TBC1D22A: variants seen among roughly 807,000 people sequenced by gnomAD.
The protein encoded by TBC1D22A is putative GTPase activator.
In TBC1D22A, 38 loss-of-function variants were observed where a neutral mutation model predicts 60.2. The ratio of observed to expected loss-of-function variants is 0.63; its 90% CI spans 0.49 to 0.83. The LOEUF (loss-of-function observed/expected upper bound fraction) is 0.83, where lower values mean the gene tolerates loss of function less well. Among genes scored for constraint, TBC1D22A ranks in the 40% least tolerant of loss-of-function variants. The probability of loss-of-function intolerance (pLI) is 0.00; values close to 1 mark genes in which losing one functional copy is unlikely to be tolerated. For synonymous variants in TBC1D22A, 302 were observed against 281.7 expected, an observed-to-expected ratio of 1.07 and a Z score of -0.72; for missense variants, 628 against 701.0, an observed-to-expected ratio of 0.90 and a Z score of 1.18.
At chr22:47,104,694 C>CAAA (rs34812715) in intron 11 of TBC1D22A, among the ~76,000 whole-genome samples, 6 of 102,156 alleles carry the variant, frequency 5.9e-5, no homozygotes, top group African/African-American at 2.3e-4. Flanking sequence ...GACTCTGTCT[C>CAAA]AAAAAAAAAA....
At chr22:47,161,793 G>A (rs1414307778) in intron 12 of TBC1D22A, among the ~76,000 whole-genome samples, 2 of 152,260 alleles carry the variant, frequency 1.3e-5, no homozygotes, top group Non-Finnish European at 2.9e-5. Flanking sequence ...GACAGTGTGA[G>A]CTTGAGCTCT....
At chr22:46,953,766 T>G (rs553049442) in intron 8 of TBC1D22A, among the ~76,000 whole-genome samples, 35 of 152,224 alleles carry the variant, frequency 2.3e-4, no homozygotes, top group Non-Finnish European at 3.8e-4. Context: ...TTTGATAGAA[T>G]TCTGTCAAAG....
rs188903861 is a variant in TBC1D22A, at chr22:46,787,657, G to C, written c.63-4863G>C. ...ACAGTGTAAACTTTGCAAATGTGCA[G>C]AATAATACTGTATGTTGCCCAGAGA... is the stretch of plus-strand genomic sequence containing the variant. On this transcript the variant is annotated intron_variant, in intron 1 of 12. Transcript: ENST00000337137. Among the ~76,000 whole-genome samples, 135 of 152,282 alleles carry C rather than the reference G, an allele frequency of 8.9e-4. 1 individual carries two copies. In the Middle Eastern group the frequency reaches 0.014, roughly 15 times the overall value.
At chr22:46,918,259 T>A (rs1305479000) in intron 8 of TBC1D22A, among the ~76,000 whole-genome samples, 1 of 152,134 alleles carries the variant, frequency 6.6e-6, no homozygotes, top group East Asian at 1.9e-4. Flanking sequence ...TGTCCTAGGT[T>A]TGGAGAGAGG....
intron 1 of TBC1D22A, among the ~76,000 whole-genome samples, chr22:46,775,556 C>T (rs2083669022): frequency 6.6e-6 from 1 of 152,160 alleles, no homozygotes; most frequent in Admixed American, 6.5e-5. Flanking sequence ...TAGGTGATTC[C>T]TGTGCGGCCA....
intron 9 of TBC1D22A, among the ~76,000 whole-genome samples, chr22:46,996,112 C>G (rs2075114357): frequency 6.6e-6 from 1 of 152,242 alleles, no homozygotes; most frequent in Non-Finnish European, 1.5e-5. Flanking sequence ...TCATCCCCCA[C>G]TGTCGGAAAG....
chr22:46,781,360 G>A (rs1370785159), intron 1 of TBC1D22A, among the ~76,000 whole-genome samples: 1 of 152,062 alleles, frequency 6.6e-6, no homozygotes, highest in Non-Finnish European at 1.5e-5. Flanking sequence ...ATTTTTTATA[G>A]AGACGGGGTT....
At chr22:46,809,002 C>G (rs1005570647) in intron 4 of TBC1D22A, among the ~76,000 whole-genome samples, 2 of 152,178 alleles carry the variant, frequency 1.3e-5, no homozygotes, top group African/African-American at 4.8e-5. Flanking sequence ...TGCTTAAAAT[C>G]CTAATGTAGA....
intron 8 of TBC1D22A, among the ~76,000 whole-genome samples, chr22:46,925,457 T>C (rs1255966588): frequency 6.6e-6 from 1 of 152,244 alleles, no homozygotes; most frequent in South Asian, 2.1e-4. Flanking sequence ...CTCATATATA[T>C]TCATTTTTTC....
At chr22:46,985,890 C>A (rs1349720706) in intron 9 of TBC1D22A, among the ~76,000 whole-genome samples, 1 of 152,212 alleles carries the variant, frequency 6.6e-6, no homozygotes, top group Non-Finnish European at 1.5e-5. Flanking sequence ...CTTGTCACTT[C>A]ATTTCATTAA....
intron 11 of TBC1D22A, among the ~76,000 whole-genome samples, chr22:47,093,821 T>C (rs993237079): frequency 2.0e-5 from 3 of 152,210 alleles, no homozygotes; most frequent in African/African-American, 7.2e-5. Flanking sequence ...AAGGTGTTTT[T>C]TGGTTGAGGT....
At chr22:46,808,887 C>A (rs575978293) in intron 4 of TBC1D22A, among the ~76,000 whole-genome samples, 1 of 152,242 alleles carries the variant, frequency 6.6e-6, no homozygotes, top group Non-Finnish European at 1.5e-5. Flanking sequence ...AGCCACCGTG[C>A]CCGGCCTTCG....
intron 9 of TBC1D22A, among the ~76,000 whole-genome samples, chr22:46,975,590 G>T (rs907969470): frequency 1.3e-5 from 2 of 152,150 alleles, no homozygotes; most frequent in Admixed American, 6.5e-5. Context: ...ACAGAGATGG[G>T]GTTGTCACTT....
chr22:47,076,361 GTATATA>G lies in TBC1D22A; in HGVS notation c.1330-35132_1330-35127del, dbSNP rs769322904. ...TGTGTGTATATATATATATGTGTGT[GTATATA>G]TATATATATATATACACACACACAC... On this transcript the variant is annotated intron_variant, in intron 11 of 12. Transcript: ENST00000337137. 8.8e-4 allele frequency among the ~76,000 whole-genome samples: 90 copies of G among 101,934 alleles called. 3 individuals carry two copies. The highest frequency in any genetic ancestry group is 8.8e-3 in the East Asian group (19 of 2,156). The allele number at this position is 101,934 out of a possible 152,430, so 66.9% of individuals were successfully genotyped here.
chr22:46,797,350 A>G (rs2084698342), intron 3 of TBC1D22A, 94 bp from the exon 4 acceptor site: 3 of 1,413,102 alleles, frequency 2.1e-6, no homozygotes, highest in African/African-American at 1.4e-5. Flanking sequence ...GAAGGGACCC[A>G]TCAGCATTCA....
At chr22:47,164,462 G>A (rs1445215445) in intron 12 of TBC1D22A, among the ~76,000 whole-genome samples, 2 of 152,192 alleles carry the variant, frequency 1.3e-5, no homozygotes, top group African/African-American at 4.8e-5. Flanking sequence ...TTTTCGGCGA[G>A]GGTCCCAGCC....
intron 5 of TBC1D22A, among the ~76,000 whole-genome samples, chr22:46,884,874 G>A (rs903121845): frequency 3.3e-5 from 5 of 152,188 alleles, no homozygotes; most frequent in African/African-American, 1.2e-4. Context: ...GTAAAAGTGG[G>A]AGGGGCCATG....
At chr22:46,874,786 C>G (rs1335257604) in intron 4 of TBC1D22A, among the ~76,000 whole-genome samples, 2 of 152,076 alleles carry the variant, frequency 1.3e-5, no homozygotes, top group East Asian at 3.9e-4. Context: ...GTTGCCCAGG[C>G]TGGTCTCGAA....
chr22:47,150,590 G>A (rs1371919507), intron 12 of TBC1D22A, among the ~76,000 whole-genome samples: 2 of 152,216 alleles, frequency 1.3e-5, no homozygotes, highest in African/African-American at 4.8e-5. Flanking sequence ...GGGTGCCTGG[G>A]CCTTCTCGCC....
Sources: gnomAD v4.1 joint callset for allele counts (sites outside exome capture counted in the v4.1 genomes callset) on GRCh38, gnomAD v4.1.1 for gene constraint, MANE v1.5 for transcripts, NCBI Gene and HGNC (gene_info 2026-07-23, HGNC 2026-07-21) for gene names.